MGAM: variants seen among roughly 807,000 people sequenced by gnomAD.
MGAM encodes the protein maltase-glucoamylase, also known as alpha-1,4-glucosidase.
In MGAM, 253 loss-of-function variants were observed where a neutral mutation model predicts 358.8. The ratio of observed to expected loss-of-function variants is 0.71; its 90% CI spans 0.64 to 0.78. The LOEUF (loss-of-function observed/expected upper bound fraction) is 0.78, where lower values mean the gene tolerates loss of function less well. Among genes scored for constraint, MGAM ranks in the 30% least tolerant of loss-of-function variants. The pLI is 0.00. For synonymous variants in MGAM, 1,105 were observed against 1,227.1 expected (o/e 0.90, Z 2.08); for missense variants, 3,080 against 3,432.6 (o/e 0.90, Z 2.57).
chr7:142,031,853 C>G (rs1400583783), intron 13 of MGAM, 60 bp downstream of exon 13: 8 of 1,208,672 alleles, frequency 6.6e-6, no homozygotes, highest in Non-Finnish European at 8.6e-6. Flanking sequence ...ATATCTGTAT[C>G]TGTATCTTTG....
In MGAM at chr7:142,091,998, A is replaced by G. The variant is rs1347725562; in HGVS notation, c.6896A>G (p.Asn2299Ser). ...WWKREIEELYNNPQNPERSLK... is the reference protein window; with the variant it reads ...WWKREIEELYSNPQNPERSLK... Reference sequence around the variant, plus strand: ...AAGAGGGAAATAGAAGAACTATACAACAATCCACAGAATCCAGAGAGGAGC... The same window carrying G: ...AAGAGGGAAATAGAAGAACTATACAGCAATCCACAGAATCCAGAGAGGAGC... The change falls in exon 58 of 71, where the codon AAC (asparagine) becomes AGC (serine). Residue 2299 changes from asparagine to serine, a missense_variant. Around this residue, in one of 5 missense-constraint regions of MGAM, gnomAD observed 932 missense variants for 1,198.2 expected, o/e 0.78. Coordinates refer to ENST00000475668, the MANE Select transcript of MGAM (RefSeq NM_001365693.1). 1 of 1,537,724 alleles carries G rather than the reference A, an allele frequency of 6.5e-7. No homozygotes were observed. The highest frequency in any genetic ancestry group is 1.3e-5 in the African/African-American group (1 of 74,300).
In MGAM at chr7:142,062,526, T is replaced by C. The variant is rs532822287; in HGVS notation, c.4123-42T>C. 54 of 1,525,596 alleles carry C rather than the reference T, an allele frequency of 3.5e-5. 1 individual carries two copies. In the African/African-American group the frequency reaches 6.1e-4, roughly 17 times the overall value. 94.5% of individuals were successfully genotyped at this position (1,525,596 alleles called of 1,614,324 possible). A position where few individuals can be genotyped will look rare whatever the true frequency, so the allele number is the denominator to read the frequency against. On this transcript the variant is annotated intron_variant, in intron 34 of 70. Coordinates refer to ENST00000475668, the MANE Select transcript of MGAM (RefSeq NM_001365693.1). ...CAGTAAGTGCCTGTTTGCTGTCTTC[T>C]ATATTTGTGTGGGACAAAGAAATTA...
intron 57 of MGAM, among the ~76,000 whole-genome samples, chr7:142,090,878 T>C (rs1313392653): frequency 6.8e-6 from 1 of 146,348 alleles, no homozygotes; most frequent in African/African-American, 2.4e-5. Flanking sequence ...AAGCTAAGCA[T>C]TGTGCAAAAT....
At chr7:142,038,326 C>G (rs1209141248) in intron 18 of MGAM, among the ~76,000 whole-genome samples, 1 of 152,068 alleles carries the variant, frequency 6.6e-6, no homozygotes, top group Non-Finnish European at 1.5e-5. Context: ...TCTGTTTATC[C>G]TGAGGGAAGA....
At chr7:142,052,081 A>G (rs1421847680) in intron 24 of MGAM, among the ~76,000 whole-genome samples, 2 of 152,138 alleles carry the variant, frequency 1.3e-5, no homozygotes, top group East Asian at 3.8e-4. Context: ...TGCTAAGTAC[A>G]AGATTGTGCT....
chr7:142,059,428 G>A, intron 31 of MGAM, 44 bp from the exon 32 acceptor site: 2 of 1,593,676 alleles, frequency 1.3e-6, no homozygotes, highest in South Asian at 2.2e-5. Context: ...TAAAGCTTGG[G>A]CGTGTACAGC....
At chr7:142,068,830 C>T in intron 43 of MGAM, 127 bp downstream of exon 43, 1 of 799,338 alleles carries the variant, frequency 1.3e-6, no homozygotes, top group South Asian at 1.6e-5. Context: ...AGAGAAGCCA[C>T]TTTAACCCTT....
rs1554473473 is a variant in MGAM at position 142,046,051 on chromosome 7, C to CAATATGTAATATAATATTATATTACATAT, written c.2499-1717_2499-1716insTATATTACATATAATATGTAATATAATAT. 1.0e-4 allele frequency among the ~76,000 whole-genome samples: 6 copies of CAATATGTAATATAATATTATATTACATAT among 58,010 alleles called. 1 individual carries two copies. The highest frequency in any genetic ancestry group is 2.1e-4 in the Non-Finnish European group (5 of 23,332). 38.1% of individuals were successfully genotyped at this position (58,010 alleles called of 152,430 possible). ...ATGTAATATATATTATATATACATACAATATGTAATATAATATATAATATA... is the reference window on the plus strand; with the variant it reads ...ATGTAATATATATTATATATACATACAATATGTAATATAATATTATATTACATATAATATGTAATATAATATATAATATA... On this transcript the variant is annotated intron_variant, in intron 21 of 70. Transcript: ENST00000475668.
rs1347117259 is a variant in MGAM, at chr7:142,066,897, G to A, written c.4919+176G>A. ...TAGCACAGTGTTATACATACCGTAG[G>A]TCATAAAAAAAGGGTATTTATTGAA... On this transcript the variant is annotated intron_variant, in intron 41 of 70. Transcript: ENST00000475668. Among the ~76,000 whole-genome samples the A allele has an allele frequency of 2.7e-5, 4 of 145,912 alleles. 1 individual carries two copies. Among genetic ancestry groups the A allele is most frequent in the Non-Finnish European group, 4.7e-5 (3 of 64,478 alleles).
chr7:142,005,778 T>G (rs2128982804), intron 2 of MGAM, 121 bp downstream of exon 2: 2 of 951,432 alleles, frequency 2.1e-6, no homozygotes, highest in South Asian at 3.3e-5. Context: ...GGGGCTGTTA[T>G]ATGTGTGTGT....
intron 10 of MGAM, among the ~76,000 whole-genome samples, chr7:142,027,954 A>G (rs1807126223): frequency 1.3e-5 from 2 of 152,126 alleles, no homozygotes; most frequent in African/African-American, 4.8e-5. Context: ...TTGGGAGACC[A>G]TAATTATGTG....
chr7:142,104,516 A>G (rs1252930615), intron 70 of MGAM, among the ~76,000 whole-genome samples: 2 of 152,174 alleles, frequency 1.3e-5, no homozygotes, highest in Admixed American at 6.5e-5. Context: ...AAATTCTTCC[A>G]CTAGTGTCTA....
chr7:142,041,621 A>G (rs1451397615), intron 21 of MGAM, among the ~76,000 whole-genome samples: 7 of 151,490 alleles, frequency 4.6e-5, no homozygotes, highest in Non-Finnish European at 8.8e-5. Flanking sequence ...ACGTTACTTT[A>G]ACAACTCTAT....
intron 35 of MGAM, 128 bp from the exon 36 acceptor site, chr7:142,063,371 A>C: frequency 9.1e-7 from 1 of 1,103,712 alleles, no homozygotes; most frequent in Non-Finnish European, 1.3e-6. Flanking sequence ...GATTTGATGA[A>C]GCTCCCAGGG....
Position 142,059,749 on chromosome 7 carries a change from T to A in MGAM, c.3949-107T>A, listed in dbSNP as rs1037314653. On this transcript the variant is annotated intron_variant, in intron 32 of 70. Coordinates refer to ENST00000475668, the MANE Select transcript of MGAM (RefSeq NM_001365693.1). Reference sequence around the variant, plus strand: ...TTCCCAGGACTCACAGAAACTCTACTGTGCAGGTAGAAGCCAGCGAGTTCA... The same window carrying A: ...TTCCCAGGACTCACAGAAACTCTACAGTGCAGGTAGAAGCCAGCGAGTTCA... 18 of 1,566,116 alleles carry A rather than the reference T, an allele frequency of 1.1e-5. No individual in the cohort carries two copies. In the Middle Eastern group the frequency reaches 1.2e-3, roughly 103 times the overall value.
chr7:142,063,625 C>T (rs532875094), intron 36 of MGAM, 39 bp downstream of exon 36: 12 of 1,600,970 alleles, frequency 7.5e-6, no homozygotes, highest in Non-Finnish European at 1.0e-5. Flanking sequence ...AGAGCCATGA[C>T]TGGAAGGATT....
At chr7:142,044,085 C>T (rs1352782678) in intron 21 of MGAM, among the ~76,000 whole-genome samples, 1 of 137,376 alleles carries the variant, frequency 7.3e-6, no homozygotes, top group African/African-American at 2.7e-5. Flanking sequence ...ACATTATATA[C>T]ACATACGACG....
At chr7:142,048,727 G>GA (rs983806703) in intron 22 of MGAM, among the ~76,000 whole-genome samples, 2 of 152,080 alleles carry the variant, frequency 1.3e-5, no homozygotes, top group Non-Finnish European at 2.9e-5. Context: ...GTTCCAGTAG[G>GA]AAAGAGAAGG....
chr7:142,018,989 G>C (rs1806192353), intron 3 of MGAM, among the ~76,000 whole-genome samples: 1 of 151,576 alleles, frequency 6.6e-6, no homozygotes, highest in Non-Finnish European at 1.5e-5. Flanking sequence ...TTCCCATACT[G>C]TTACATAAGA....
Sources: allele counts gnomAD v4.1 joint callset (sites outside exome capture counted in the v4.1 genomes callset), GRCh38; gene constraint gnomAD v4.1.1; regional missense constraint gnomAD v4.1.1; transcripts MANE v1.5; gene names NCBI Gene and HGNC (gene_info 2026-07-23, HGNC 2026-07-21).